Variants in LRP1B observed in about 807,000 individuals in gnomAD.
LRP1B encodes low-density lipoprotein receptor-related protein 1B.
A neutral mutation model predicts 556.6 loss-of-function variants in LRP1B; 217 were observed. The observed-to-expected ratio is 0.39, with a 90% CI of 0.35 to 0.44. The LOEUF (loss-of-function observed/expected upper bound fraction) is 0.44. LRP1B is among the 20% of genes least tolerant of loss of function. The pLI is 1.00. For synonymous variants in LRP1B, 2,047 were observed against 1,865.8 expected, an observed-to-expected ratio of 1.10 and a Z score of -2.50; for missense variants, 5,053 against 5,620.8, an observed-to-expected ratio of 0.90 and a Z score of 3.23.
chr2:140,318,842 T>G (rs1558796994), intron 82 of LRP1B, among the ~76,000 whole-genome samples: 1 of 152,118 alleles, frequency 6.6e-6, no homozygotes, highest in African/African-American at 2.4e-5. Flanking sequence ...TAATAAAATC[T>G]GAAGATTAAA....
chr2:141,406,484 G>A (rs1022028159), intron 3 of LRP1B, among the ~76,000 whole-genome samples: 9 of 151,910 alleles, frequency 5.9e-5, no homozygotes, highest in African/African-American at 2.2e-4. Flanking sequence ...GAAATTTAGA[G>A]CAGTTAATTT....
intron 2 of LRP1B, among the ~76,000 whole-genome samples, chr2:141,523,868 C>G (rs1684607055): frequency 6.6e-6 from 1 of 152,144 alleles, no homozygotes; most frequent in Admixed American, 6.6e-5. Flanking sequence ...CGAAATTTAG[C>G]ACATGCTAAT....
intron 41 of LRP1B, among the ~76,000 whole-genome samples, chr2:140,655,167 A>T (rs1020778936): frequency 6.6e-6 from 1 of 152,244 alleles, no homozygotes. Flanking sequence ...AGAAATTTTT[A>T]ATCTTATTAT....
At chr2:141,449,726 A>G (rs1002324436) in intron 3 of LRP1B, among the ~76,000 whole-genome samples, 2 of 152,216 alleles carry the variant, frequency 1.3e-5, no homozygotes, top group Non-Finnish European at 2.9e-5. Context: ...TTTCAAGTTA[A>G]GTAGAATAAT....
chr2:140,499,125 G>GTATT (rs1689074350), intron 55 of LRP1B, among the ~76,000 whole-genome samples: 1 of 151,782 alleles, frequency 6.6e-6, no homozygotes, highest in Non-Finnish European at 1.5e-5. Context: ...TAATAAACAA[G>GTATT]TATTTATGTG....
intron 32 of LRP1B, among the ~76,000 whole-genome samples, chr2:140,804,411 G>A (rs1375090831): frequency 1.3e-5 from 2 of 151,948 alleles, no homozygotes; most frequent in East Asian, 3.9e-4. Flanking sequence ...TAATTTTACT[G>A]TTTTTTATTG....
chr2:141,910,130 G>A (rs1699869071), intron 1 of LRP1B, among the ~76,000 whole-genome samples: 1 of 106,046 alleles, frequency 9.4e-6, no homozygotes, highest in Non-Finnish European at 1.8e-5. Context: ...GACAGAGCGA[G>A]ACTCCATCTC....
chr2:140,891,857 T>G (rs766266245), intron 23 of LRP1B, among the ~76,000 whole-genome samples: 2 of 152,192 alleles, frequency 1.3e-5, no homozygotes, highest in Non-Finnish European at 2.9e-5. Context: ...GTTTCTCTCT[T>G]AGTAATCACT....
intron 18 of LRP1B, among the ~76,000 whole-genome samples, chr2:140,977,802 C>T (rs1490090404): frequency 2.0e-5 from 3 of 152,142 alleles, no homozygotes; most frequent in Non-Finnish European, 2.9e-5. Context: ...CACATTTCAT[C>T]ATTAGGGAAG....
At chr2:140,940,016 G>A (rs1371112247) in intron 20 of LRP1B, among the ~76,000 whole-genome samples, 2 of 151,340 alleles carry the variant, frequency 1.3e-5, no homozygotes, top group African/African-American at 4.9e-5. Flanking sequence ...CTCCAGAGTA[G>A]CTGAGACTAC....
intron 2 of LRP1B, among the ~76,000 whole-genome samples, chr2:141,707,550 T>C (rs975585599): frequency 7.9e-5 from 12 of 152,128 alleles, no homozygotes; most frequent in Non-Finnish European, 1.6e-4. Context: ...CTAGAGGCAC[T>C]CCTGCAATTA....
At chr2:141,603,216 T>C (rs1366623539) in intron 2 of LRP1B, among the ~76,000 whole-genome samples, 7 of 152,176 alleles carry the variant, frequency 4.6e-5, no homozygotes, top group Admixed American at 2.6e-4. Context: ...AACTTTCACA[T>C]TGGAAGGCAA....
intron 2 of LRP1B, among the ~76,000 whole-genome samples, chr2:141,753,258 C>CCATATATATATATATATATATA (rs1694185301): frequency 3.1e-5 from 1 of 32,704 alleles, no homozygotes; most frequent in Non-Finnish European, 7.1e-5. Context: ...CTCTCTCTCT[C>CCATATATATATATATATATATA]TCTCCATATA....
intron 2 of LRP1B, among the ~76,000 whole-genome samples, chr2:141,525,017 G>A (rs1169885002): frequency 1.3e-5 from 2 of 151,996 alleles, no homozygotes; most frequent in Non-Finnish European, 2.9e-5. Context: ...ACACCTTCTT[G>A]CTTTTCATTA....
chr2:140,641,739 C>T (rs1285677872), intron 41 of LRP1B, among the ~76,000 whole-genome samples: 1 of 152,084 alleles, frequency 6.6e-6, no homozygotes, highest in African/African-American at 2.4e-5. Context: ...TGACTTTTTT[C>T]TGTTTGTCAA....
intron 18 of LRP1B, among the ~76,000 whole-genome samples, chr2:140,954,562 T>G (rs180740415): frequency 0.021 from 3,190 of 152,140 alleles, 59 homozygotes; most frequent in Non-Finnish European, 0.031. Flanking sequence ...AAATTTTCCA[T>G]GTAAATTTTA....
intron 1 of LRP1B, among the ~76,000 whole-genome samples, chr2:141,820,376 G>A (rs1393543437): frequency 1.3e-5 from 2 of 152,116 alleles, no homozygotes; most frequent in East Asian, 1.9e-4. Context: ...TTAAGGAAAG[G>A]TAGACCAAAA....
intron 1 of LRP1B, among the ~76,000 whole-genome samples, chr2:142,110,287 A>G (rs995156866): frequency 3.3e-5 from 5 of 152,156 alleles, no homozygotes; most frequent in Non-Finnish European, 5.9e-5. Context: ...AAAGCCCTGC[A>G]TGGTGAAAAG....
At chr2:141,052,677 G>A (rs1699070531) in intron 10 of LRP1B, among the ~76,000 whole-genome samples, 1 of 151,926 alleles carries the variant, frequency 6.6e-6, no homozygotes, top group Non-Finnish European at 1.5e-5. Context: ...GGGAATCCTG[G>A]TTTTACAGCA....
Sources: gnomAD v4.1 joint callset for allele counts (sites outside exome capture counted in the v4.1 genomes callset) on GRCh38, gnomAD v4.1.1 for gene constraint, MANE v1.5 for transcripts, NCBI Gene and HGNC (gene_info 2026-07-23, HGNC 2026-07-21) for gene names.